RIPOR2: variants seen among roughly 807,000 people sequenced by gnomAD.
RIPOR2 encodes RHO family interacting cell polarization regulator 2.
A neutral mutation model predicts 114.5 loss-of-function variants in RIPOR2; 39 were observed. The observed-to-expected ratio is 0.34, with a 90% CI of 0.26 to 0.44. The LOEUF is 0.44. Ranked by LOEUF, RIPOR2 falls within the 20% of genes least tolerant of loss-of-function variation. The pLI, the probability that RIPOR2 is intolerant of heterozygous loss-of-function variation, is 1.00. For synonymous variants in RIPOR2, 445 were observed against 484.4 expected (o/e 0.92, Z 1.07); for missense variants, 1,007 against 1,255.1 (o/e 0.80, Z 2.99).
intron 1 of RIPOR2, among the ~76,000 whole-genome samples, chr6:24,889,399 TA>T (rs1301032673): frequency 6.6e-6 from 1 of 152,226 alleles, no homozygotes; most frequent in Non-Finnish European, 1.5e-5. Context: ...ATGCAGTTTT[TA>T]AAAGGCTATA....
intron 7 of RIPOR2, 113 bp from the exon 8 acceptor site, chr6:24,861,149 C>G: frequency 1.5e-6 from 1 of 680,956 alleles, no homozygotes. Flanking sequence ...AAGCATTTAC[C>G]TGTTTGCTCC....
intron 13 of RIPOR2, 41 bp downstream of exon 13, chr6:24,842,821 T>G (rs749691242): frequency 8.0e-7 from 1 of 1,245,156 alleles, no homozygotes; most frequent in Non-Finnish European, 1.1e-6. Flanking sequence ...TTAGGACACC[T>G]CTCTCCAAAC....
intron 1 of RIPOR2, among the ~76,000 whole-genome samples, chr6:24,895,081 C>T (rs1176426835): frequency 6.6e-6 from 1 of 152,120 alleles, no homozygotes; most frequent in Admixed American, 6.5e-5. Context: ...GAGACAGAGT[C>T]TCACTCTGTC....
At chr6:25,023,202 G>A (rs1332504281) in intron 1 of RIPOR2, 1 of 635,154 alleles carries the variant, frequency 1.6e-6, no homozygotes, top group Non-Finnish European at 3.0e-6. Context: ...CTGTACTTGG[G>A]GGATCTGCAA....
At chr6:24,829,430 C>A (rs12214260) in intron 17 of RIPOR2, among the ~76,000 whole-genome samples, 41,246 of 152,006 alleles carry the variant, frequency 0.27, 6,330 homozygotes, top group Middle Eastern at 0.36. Context: ...GAGTTCAAGA[C>A]CAGCCTGGGC....
At chr6:24,894,552 T>G (rs995100826) in intron 1 of RIPOR2, among the ~76,000 whole-genome samples, 1 of 152,220 alleles carries the variant, frequency 6.6e-6, no homozygotes. Flanking sequence ...GGGAGGATCA[T>G]CAGTTCTCAG....
At chr6:24,852,715 A>G in intron 8 of RIPOR2, 97 bp from the exon 9 acceptor site, 5 of 914,688 alleles carry the variant, frequency 5.5e-6, no homozygotes, top group Non-Finnish European at 8.0e-6. Flanking sequence ...GAAGTGTCAG[A>G]ACTTTGTGCA....
intron 1 of RIPOR2, among the ~76,000 whole-genome samples, chr6:24,892,462 G>C (rs925188589): frequency 2.6e-5 from 4 of 152,138 alleles, no homozygotes; most frequent in Non-Finnish European, 5.9e-5. Context: ...CACAAGAACT[G>C]TTTGAAGGCC....
In RIPOR2 at chr6:24,873,702, TG is replaced by T. The variant is rs918562610; in HGVS notation, c.285del (p.Glu97SerfsTer14). On this transcript the variant is annotated frameshift_variant, in exon 3 of 22. Coordinates refer to ENST00000643898, the MANE Select transcript of RIPOR2 (RefSeq NM_001286445.3). LOFTEE classifies it high-confidence loss of function. ...TCCACCCTTTTAGGCTGAGGCTCTT[TG>T]GGGGGATTGTTGTTTTTGTGGCCTA... ...HNLGHKNNNP[P>X]KEPQPKRVEE... 6.2e-7 allele frequency: 1 copy of T among 1,613,850 alleles called. No individual in the cohort carries two copies. The highest frequency in any genetic ancestry group is 8.5e-7 in the Non-Finnish European group (1 of 1,179,848).
intron 1 of RIPOR2, among the ~76,000 whole-genome samples, chr6:25,034,846 G>A (rs150098549): frequency 6.6e-6 from 1 of 152,050 alleles, no homozygotes; most frequent in African/African-American, 2.4e-5. Context: ...CTCAACCAAC[G>A]GACCTCCCTG....
intron 1 of RIPOR2, among the ~76,000 whole-genome samples, chr6:24,914,056 C>T (rs773413064): frequency 2.6e-5 from 4 of 152,274 alleles, no homozygotes; most frequent in Admixed American, 6.5e-5. Context: ...CCCTAATGGC[C>T]GGGCATGGTG....
At chr6:24,843,994 A>G (rs2113739649) in intron 12 of RIPOR2, among the ~76,000 whole-genome samples, 1 of 152,256 alleles carries the variant, frequency 6.6e-6, no homozygotes, top group South Asian at 2.1e-4. Context: ...TTTAGTTCCA[A>G]AGTTGTGATG....
At chr6:24,941,466 A>T (rs1291815836) in intron 1 of RIPOR2, among the ~76,000 whole-genome samples, 2 of 152,186 alleles carry the variant, frequency 1.3e-5, no homozygotes, top group Non-Finnish European at 2.9e-5. Context: ...CTCTTTGACT[A>T]GAGTTAATAA....
At chr6:24,830,767 G>A in intron 16 of RIPOR2, 97 bp from the exon 17 acceptor site, 1 of 1,269,822 alleles carries the variant, frequency 7.9e-7, no homozygotes, top group Non-Finnish European at 1.1e-6. Flanking sequence ...CCAGGCTGGA[G>A]TGCAATGGCA....
chr6:24,909,930 C>T (rs1355291737), intron 1 of RIPOR2, among the ~76,000 whole-genome samples: 2 of 152,136 alleles, frequency 1.3e-5, no homozygotes, highest in African/African-American at 4.8e-5. Flanking sequence ...CTCTCGCTCT[C>T]CAGGGAGCTG....
chr6:24,949,291 C>A (rs1414947624), intron 1 of RIPOR2, among the ~76,000 whole-genome samples: 2 of 152,108 alleles, frequency 1.3e-5, no homozygotes, highest in Non-Finnish European at 2.9e-5. Context: ...AAGCCGCCAG[C>A]TCTCCAAAAA....
chr6:24,876,019 G>A (rs1004111686), intron 1 of RIPOR2, among the ~76,000 whole-genome samples: 6 of 152,092 alleles, frequency 3.9e-5, no homozygotes, highest in South Asian at 4.1e-4. Flanking sequence ...GGCCAGGTGC[G>A]GTGGCTCACA....
intron 15 of RIPOR2, among the ~76,000 whole-genome samples, chr6:24,834,358 C>A (rs932070861): frequency 6.6e-6 from 1 of 152,118 alleles, no homozygotes; most frequent in Admixed American, 6.5e-5. Flanking sequence ...GCTGGGCTCC[C>A]GAGGGACCCC....
At chr6:24,961,037 C>T (rs1022954572) in intron 1 of RIPOR2, among the ~76,000 whole-genome samples, 3 of 152,142 alleles carry the variant, frequency 2.0e-5, no homozygotes, top group Admixed American at 6.5e-5. Flanking sequence ...TGAGGAGAGT[C>T]GGCTCTGGGC....
Sources: allele counts gnomAD v4.1 joint callset (sites outside exome capture counted in the v4.1 genomes callset), GRCh38; gene constraint gnomAD v4.1.1; transcripts MANE v1.5; gene names NCBI Gene and HGNC (gene_info 2026-07-23, HGNC 2026-07-21).